Variants in FAM168A observed in about 807,000 individuals in gnomAD.
FAM168A encodes the protein family with sequence similarity 168 member A.
FAM168A carries 3 observed loss-of-function variants against 28.5 expected under a neutral mutation model. The ratio of observed to expected loss-of-function variants is 0.11; its 90% CI spans 0.05 to 0.27. The LOEUF is 0.27. FAM168A is among the 10% of genes least tolerant of loss of function. The pLI, the probability that FAM168A is intolerant of heterozygous loss-of-function variation, is 1.00. For synonymous variants in FAM168A, 122 were observed against 124.2 expected (o/e 0.98, Z 0.12); for missense variants, 222 against 311.5 (o/e 0.71, Z 2.16).
At chr11:73,498,323 C>A (rs1436357050) in intron 1 of FAM168A, among the ~76,000 whole-genome samples, 1 of 152,168 alleles carries the variant, frequency 6.6e-6, no homozygotes, top group Admixed American at 6.5e-5. Context: ...AGGGGACCCC[C>A]CCTTCCCCCC....
At chr11:73,527,916 A>T (rs1426927092) in intron 1 of FAM168A, among the ~76,000 whole-genome samples, 1 of 152,168 alleles carries the variant, frequency 6.6e-6, no homozygotes, top group Non-Finnish European at 1.5e-5. Context: ...CAGCCAGGAA[A>T]ACCAAAGAGG....
intron 2 of FAM168A, among the ~76,000 whole-genome samples, chr11:73,460,447 G>A (rs75376400): frequency 0.011 from 1,701 of 150,354 alleles, 37 homozygotes; most frequent in African/African-American, 0.039. Flanking sequence ...CAGTCACTGT[G>A]CTAGGTACTG....
intron 1 of FAM168A, among the ~76,000 whole-genome samples, chr11:73,479,974 G>GAT (rs1867946076): frequency 1.3e-5 from 2 of 151,972 alleles, no homozygotes; most frequent in South Asian, 4.2e-4. Flanking sequence ...CTATCAATAC[G>GAT]ATATATAAGA....
At chr11:73,544,390 C>T (rs1020772487) in intron 1 of FAM168A, among the ~76,000 whole-genome samples, 1 of 151,988 alleles carries the variant, frequency 6.6e-6, no homozygotes, top group Non-Finnish European at 1.5e-5. Context: ...AAGGGTTAAA[C>T]ATAGAGTTAC....
chr11:73,513,350 C>CA (rs1855267089), intron 1 of FAM168A, among the ~76,000 whole-genome samples: 1 of 150,924 alleles, frequency 6.6e-6, no homozygotes, highest in South Asian at 2.1e-4. Context: ...GCTGGGACTA[C>CA]AGGCGTCCAA....
At chr11:73,453,508 GAA>G (rs1273889949) in intron 2 of FAM168A, among the ~76,000 whole-genome samples, 1 of 152,186 alleles carries the variant, frequency 6.6e-6, no homozygotes, top group Non-Finnish European at 1.5e-5. Context: ...CTCAAGATAA[GAA>G]AAGTCAGTAC....
rs1311010153 is a variant in FAM168A, at chr11:73,548,643, AT to A, written c.-19+49279del. 2.0e-5 allele frequency among the ~76,000 whole-genome samples: 3 copies of A among 151,890 alleles called. No homozygotes were observed. The East Asian group carries it at 5.8e-4, about 29-fold the overall frequency. ...ATATATTTCTTTCTTTTTTAATTTG[AT>A]TTTTTTGTGTGTGTGTGAAAGCGTC... is the stretch of plus-strand genomic sequence containing the variant. On this transcript the variant is annotated intron_variant, in intron 1 of 7. Coordinates refer to ENST00000356467, the MANE Select transcript of FAM168A (RefSeq NM_015159.3).
At chr11:73,587,760 T>C (rs1357371817) in intron 1 of FAM168A, among the ~76,000 whole-genome samples, 1 of 152,238 alleles carries the variant, frequency 6.6e-6, no homozygotes, top group Admixed American at 6.5e-5. Context: ...TAAAGCATTT[T>C]TTTTTTTGAG....
intron 2 of FAM168A, among the ~76,000 whole-genome samples, chr11:73,464,487 T>C (rs1867702807): frequency 6.6e-6 from 1 of 152,196 alleles, no homozygotes; most frequent in South Asian, 2.1e-4. Flanking sequence ...AGGATATTCA[T>C]TAAAGGTCAA....
intron 1 of FAM168A, among the ~76,000 whole-genome samples, chr11:73,542,100 C>T (rs1232699617): frequency 6.6e-6 from 1 of 152,156 alleles, no homozygotes; most frequent in Non-Finnish European, 1.5e-5. Context: ...CAGAGTTTGG[C>T]AGTCCGATCT....
At chr11:73,453,859 G>A (rs1208194325) in intron 2 of FAM168A, among the ~76,000 whole-genome samples, 1 of 152,068 alleles carries the variant, frequency 6.6e-6, no homozygotes, top group African/African-American at 2.4e-5. Flanking sequence ...CTGTATTCGA[G>A]GCCACAAAAA....
intron 3 of FAM168A, chr11:73,420,776 G>C (rs886518968): frequency 6.6e-6 from 1 of 152,358 alleles, no homozygotes; most frequent in Admixed American, 6.5e-5. Flanking sequence ...ATATAGATGA[G>C]GCCCAGTTTA....
intron 1 of FAM168A, among the ~76,000 whole-genome samples, chr11:73,474,100 G>A (rs554018765): frequency 3.0e-4 from 46 of 152,024 alleles, no homozygotes; most frequent in Non-Finnish European, 4.7e-4. Context: ...ATGGACCACC[G>A]TGCCCGGCTT....
At chr11:73,484,245 A>G (rs1156733035) in intron 1 of FAM168A, among the ~76,000 whole-genome samples, 1 of 152,040 alleles carries the variant, frequency 6.6e-6, no homozygotes, top group African/African-American at 2.4e-5. Context: ...CAGTAACTTT[A>G]TTTATTATCC....
intron 3 of FAM168A, chr11:73,430,306 CA>C: frequency 4.1e-6 from 1 of 246,238 alleles, no homozygotes; most frequent in East Asian, 1.3e-4. Context: ...GTGTGTGTCC[CA>C]AGGGGTGTGT....
At chr11:73,470,673 C>G (rs965101308) in intron 1 of FAM168A, among the ~76,000 whole-genome samples, 4 of 152,272 alleles carry the variant, frequency 2.6e-5, no homozygotes, top group South Asian at 2.1e-4. Flanking sequence ...AGGCCCTTGA[C>G]AGATGCTTGT....
intron 1 of FAM168A, among the ~76,000 whole-genome samples, chr11:73,488,243 G>A (rs1868081042): frequency 6.6e-6 from 1 of 151,406 alleles, no homozygotes. Context: ...CAATTCTCCT[G>A]TCTCAGCCTC....
intron 1 of FAM168A, among the ~76,000 whole-genome samples, chr11:73,499,066 G>T (rs1290366614): frequency 6.6e-6 from 1 of 152,130 alleles, no homozygotes; most frequent in East Asian, 1.9e-4. Flanking sequence ...CCCTTCGACA[G>T]GGTTGTCAAA....
intron 4 of FAM168A, among the ~76,000 whole-genome samples, chr11:73,414,592 G>A (rs77223367): frequency 0.062 from 9,463 of 152,216 alleles, 874 homozygotes; most frequent in African/African-American, 0.2. Flanking sequence ...CATCAGTCTC[G>A]CGTGTGATAT....
Sources: gnomAD v4.1 joint callset for allele counts (sites outside exome capture counted in the v4.1 genomes callset) on GRCh38, gnomAD v4.1.1 for gene constraint, MANE v1.5 for transcripts, NCBI Gene and HGNC (gene_info 2026-07-23, HGNC 2026-07-21) for gene names.